The following COG5 variants were observed in gnomAD, a reference collection of about 807,000 sequenced individuals.
COG5 encodes the protein component of oligomeric golgi complex 5, also known as conserved oligomeric Golgi complex subunit 5.
In COG5, 86 loss-of-function variants were observed where a neutral mutation model predicts 110.4. The ratio of observed to expected loss-of-function variants is 0.78; its 90% CI spans 0.65 to 0.93. The LOEUF (loss-of-function observed/expected upper bound fraction) is 0.93, where lower values mean the gene tolerates loss of function less well. Ranked by LOEUF, COG5 falls within the 40% of genes least tolerant of loss-of-function variation. COG5 has a pLI of 0.00. For synonymous variants in COG5, 360 were observed against 334.6 expected (o/e 1.08, Z -0.83); for missense variants, 1,077 against 987.0 (o/e 1.09, Z -1.22).
chr7:107,222,655 C>A (rs1053951966), intron 19 of COG5, among the ~76,000 whole-genome samples: 1 of 152,336 alleles, frequency 6.6e-6, no homozygotes, highest in East Asian at 1.9e-4. Context: ...AAGAACATAG[C>A]TTGAGCACTC....
chr7:107,417,574 G>C (rs1221544835), intron 6 of COG5, among the ~76,000 whole-genome samples: 1 of 152,060 alleles, frequency 6.6e-6, no homozygotes, highest in African/African-American at 2.4e-5. Context: ...ATCAAAGACA[G>C]AATTATTGGA....
Position 107,297,443 on chromosome 7 carries a change from C to CTTTT in COG5, c.1313+695_1313+698dup, listed in dbSNP as rs71314693. On this transcript the variant is annotated intron_variant, in intron 12 of 21. Transcript: ENST00000297135. ...TACCCAAGGGATGAGTACATTCTGC[C>CTTTT]TTTTTTTTTTTTTTTTTTTTTTTGA... is the stretch of plus-strand genomic sequence containing the variant. Among the ~76,000 whole-genome samples, 140 of 77,964 alleles carry CTTTT rather than the reference C, an allele frequency of 1.8e-3. 5 individuals are homozygous for CTTTT. The highest frequency in any genetic ancestry group is 3.6e-3 in the South Asian group (7 of 1,954). The allele number at this position is 77,964 out of a possible 152,430, so 51.1% of individuals were successfully genotyped here.
chr7:107,235,747 A>C (rs1801139369), intron 18 of COG5, among the ~76,000 whole-genome samples: 1 of 152,208 alleles, frequency 6.6e-6, no homozygotes, highest in Admixed American at 6.5e-5. Context: ...CAAAAATAAC[A>C]ATCATCTTTG....
chr7:107,288,919 T>C (rs772283995), intron 12 of COG5, among the ~76,000 whole-genome samples: 20 of 13,330 alleles, frequency 1.5e-3, no homozygotes, highest in African/African-American at 8.2e-3. Context: ...TATATATATA[T>C]ATATATATAT....
intron 5 of COG5, among the ~76,000 whole-genome samples, chr7:107,531,632 G>A (rs545067362): frequency 2.7e-5 from 4 of 149,794 alleles, no homozygotes; most frequent in South Asian, 2.1e-4. Flanking sequence ...AAAATTAGTC[G>A]GTGAGGGCGG....
At chr7:107,414,511 C>T (rs981858898) in intron 6 of COG5, among the ~76,000 whole-genome samples, 1 of 151,898 alleles carries the variant, frequency 6.6e-6, no homozygotes, top group African/African-American at 2.4e-5. Context: ...GGAATTCAAG[C>T]ACATCAGTCA....
chr7:107,279,611 T>A (rs1297385043), intron 14 of COG5, among the ~76,000 whole-genome samples: 1 of 152,100 alleles, frequency 6.6e-6, no homozygotes, highest in Non-Finnish European at 1.5e-5. Flanking sequence ...GAAACAAACA[T>A]TAACAGCAAG....
chr7:107,337,461 A>G (rs2129034173), intron 10 of COG5, among the ~76,000 whole-genome samples: 1 of 152,364 alleles, frequency 6.6e-6, no homozygotes, highest in Admixed American at 6.5e-5. Flanking sequence ...TTGGCCACAA[A>G]AAGAGAATGA....
At chr7:107,227,621 A>G (rs949686148) in intron 19 of COG5, among the ~76,000 whole-genome samples, 2 of 151,898 alleles carry the variant, frequency 1.3e-5, no homozygotes, top group African/African-American at 4.8e-5. Context: ...TTGTATCTCC[A>G]TACTATGACA....
rs985921372 is a variant in COG5, at chr7:107,279,264, C to T, written c.1575+2036G>A. On this transcript the variant is annotated intron_variant, in intron 14 of 21. Coordinates refer to ENST00000297135, the MANE Select transcript of COG5 (RefSeq NM_006348.5). ...TACCATCTCATGCCAGTCAGAATGG[C>T]GATCATTAAAAAGTCAGGAAACAAC... 7.2e-5 allele frequency among the ~76,000 whole-genome samples: 11 copies of T among 152,072 alleles called. No individual in the cohort carries two copies. In the East Asian group the frequency reaches 1.3e-3, roughly 19 times the overall value.
At chr7:107,233,470 T>C (rs1800925106) in intron 18 of COG5, among the ~76,000 whole-genome samples, 1 of 152,202 alleles carries the variant, frequency 6.6e-6, no homozygotes. Context: ...GCAACTACTT[T>C]CTCTTTCCTG....
intron 18 of COG5, among the ~76,000 whole-genome samples, chr7:107,232,253 A>C (rs1194442471): frequency 1.3e-5 from 2 of 152,226 alleles, no homozygotes. Flanking sequence ...AAAAGACAGT[A>C]GGTGATAGGC....
At chr7:107,554,834 G>A (rs1803189704) in intron 2 of COG5, among the ~76,000 whole-genome samples, 1 of 152,000 alleles carries the variant, frequency 6.6e-6, no homozygotes, top group South Asian at 2.1e-4. Flanking sequence ...TAAGAGCCCC[G>A]AGCTCTTAAT....
chr7:107,312,196 GATT>G (rs979031648), intron 11 of COG5, among the ~76,000 whole-genome samples: 1 of 152,102 alleles, frequency 6.6e-6, no homozygotes, highest in Non-Finnish European at 1.5e-5. Context: ...TAAAAATTAA[GATT>G]ATTTTGATTT....
chr7:107,412,188 A>T (rs1188837249), intron 7 of COG5, among the ~76,000 whole-genome samples: 1 of 152,150 alleles, frequency 6.6e-6, no homozygotes, highest in African/African-American at 2.4e-5. Flanking sequence ...TGAAGGGCTT[A>T]AATGAGGAAT....
chr7:107,388,720 G>A (rs1161542994), intron 7 of COG5, among the ~76,000 whole-genome samples: 1 of 152,184 alleles, frequency 6.6e-6, no homozygotes, highest in Non-Finnish European at 1.5e-5. Flanking sequence ...GTACGGTGTG[G>A]TCCAAGTGAA....
chr7:107,549,484 C>A (rs527377096), intron 3 of COG5, among the ~76,000 whole-genome samples: 1 of 152,084 alleles, frequency 6.6e-6, no homozygotes, highest in African/African-American at 2.4e-5. Flanking sequence ...CTCCGCCTCC[C>A]GGGTTCACGC....
At chr7:107,229,667 C>T (rs981466964) in intron 19 of COG5, among the ~76,000 whole-genome samples, 2 of 152,060 alleles carry the variant, frequency 1.3e-5, no homozygotes, top group African/African-American at 4.8e-5. Flanking sequence ...CTCTATTATA[C>T]TGGTATTCTG....
At chr7:107,381,097 A>G (rs574782055) in intron 7 of COG5, among the ~76,000 whole-genome samples, 51 of 152,176 alleles carry the variant, frequency 3.4e-4, no homozygotes, top group Admixed American at 2.9e-3. Flanking sequence ...AATTAAATTC[A>G]AAAGGTTTAT....
Sources: gnomAD v4.1 joint callset for allele counts (sites outside exome capture counted in the v4.1 genomes callset) on GRCh38, gnomAD v4.1.1 for gene constraint, MANE v1.5 for transcripts, NCBI Gene and HGNC (gene_info 2026-07-23, HGNC 2026-07-21) for gene names.